Variants in PTPRN2 observed in about 807,000 individuals in gnomAD.
PTPRN2 encodes the protein protein tyrosine phosphatase receptor type N2.
A neutral mutation model predicts 118.8 loss-of-function variants in PTPRN2; 74 were observed. That is an observed-to-expected ratio of 0.62 (90% CI 0.52 to 0.76). The LOEUF (loss-of-function observed/expected upper bound fraction) is 0.76. Among genes scored for constraint, PTPRN2 ranks in the 30% least tolerant of loss-of-function variants. PTPRN2 has a pLI of 0.00. For synonymous variants in PTPRN2, 641 were observed against 608.0 expected, an observed-to-expected ratio of 1.05 and a Z score of -0.80; for missense variants, 1,481 against 1,394.4, an observed-to-expected ratio of 1.06 and a Z score of -0.99.
chr7:158,169,535 C>T (rs957237827), intron 5 of PTPRN2, among the ~76,000 whole-genome samples: 5 of 151,558 alleles, frequency 3.3e-5, no homozygotes, highest in African/African-American at 9.7e-5. Flanking sequence ...CCTGCCTCAG[C>T]CTCCCAAAGT....
intron 22 of PTPRN2, among the ~76,000 whole-genome samples, chr7:157,547,872 C>T (rs1356462592): frequency 2.0e-5 from 3 of 151,444 alleles, no homozygotes; most frequent in East Asian, 3.9e-4. Context: ...TGAAGCGTCC[C>T]GGACAGCAGA....
At position 158,401,046 on chromosome 7, in the gene PTPRN2, C is replaced by T. The variant is rs566190118; in HGVS notation, c.164-84114G>A. On this transcript the variant is annotated intron_variant, in intron 2 of 22. Coordinates refer to ENST00000389418, the MANE Select transcript of PTPRN2 (RefSeq NM_002847.5). ...GCCGCTCATCACCCAGGAACCGACA[C>T]GCACGAGATGCAGAATCTAAAAGAG... Among the ~76,000 whole-genome samples, 6 of 152,196 alleles carry T rather than the reference C, an allele frequency of 3.9e-5. No homozygotes were observed. The South Asian group carries it at 8.3e-4, about 21-fold the overall frequency.
At chr7:158,089,678 CT>C (rs1181667864) in intron 10 of PTPRN2, among the ~76,000 whole-genome samples, 1 of 144,226 alleles carries the variant, frequency 6.9e-6, no homozygotes, top group African/African-American at 2.8e-5. Flanking sequence ...CACAAACCTT[CT>C]TCCCCTGATG....
chr7:158,002,111 G>A (rs926050585), intron 11 of PTPRN2, among the ~76,000 whole-genome samples: 4 of 152,206 alleles, frequency 2.6e-5, no homozygotes, highest in East Asian at 3.9e-4. Flanking sequence ...GCCCCCCACC[G>A]AGGCGGGAGC....
chr7:157,930,762 C>T (rs758831018), intron 11 of PTPRN2, among the ~76,000 whole-genome samples: 20 of 152,192 alleles, frequency 1.3e-4, no homozygotes, highest in African/African-American at 4.1e-4. Context: ...TGGGAGTGGG[C>T]GTGCCACACT....
chr7:158,567,990 C>A (rs1462568658), intron 1 of PTPRN2, among the ~76,000 whole-genome samples: 7 of 152,202 alleles, frequency 4.6e-5, no homozygotes, highest in Admixed American at 4.6e-4. Flanking sequence ...CAGTGGCTCA[C>A]ATCTGTAATC....
chr7:158,382,712 G>A (rs147038900), intron 2 of PTPRN2, among the ~76,000 whole-genome samples: 119 of 152,268 alleles, frequency 7.8e-4, no homozygotes, highest in African/African-American at 2.6e-3. Context: ...CACTCTGTAC[G>A]AGAATCTAAT....
intron 2 of PTPRN2, among the ~76,000 whole-genome samples, chr7:158,324,078 C>G (rs927682507): frequency 6.6e-6 from 1 of 151,844 alleles, no homozygotes; most frequent in Admixed American, 6.6e-5. Context: ...CACACACACA[C>G]CCAGACACAC....
chr7:157,663,298 T>C (rs940024297), intron 13 of PTPRN2, among the ~76,000 whole-genome samples: 5 of 152,132 alleles, frequency 3.3e-5, no homozygotes, highest in African/African-American at 1.2e-4. Flanking sequence ...AGTTAAACCC[T>C]GGAGTCCCAG....
chr7:157,552,738 CGT>C (rs1798693598), intron 21 of PTPRN2, among the ~76,000 whole-genome samples: 1 of 152,218 alleles, frequency 6.6e-6, no homozygotes, highest in South Asian at 2.1e-4. Flanking sequence ...TGCCGACAGA[CGT>C]CGAGTTGTGT....
chr7:157,985,426 C>T (rs967639889), intron 11 of PTPRN2, among the ~76,000 whole-genome samples: 6 of 152,072 alleles, frequency 3.9e-5, no homozygotes, highest in Admixed American at 1.3e-4. Context: ...GGAAAACAGC[C>T]GTCAGACAGT....
rs549654328 is a variant in PTPRN2 at position 157,810,297 on chromosome 7, G to A, written c.1788+88376C>T. 4.8e-4 allele frequency among the ~76,000 whole-genome samples: 73 copies of A among 152,382 alleles called. No homozygotes were observed. The South Asian group carries it at 0.013, about 27-fold the overall frequency. On this transcript the variant is annotated intron_variant, in intron 12 of 22. Coordinates refer to ENST00000389418, the MANE Select transcript of PTPRN2 (RefSeq NM_002847.5). ...GTGATCCCAAAGCAGCGATCTAGAC[G>A]TGTGGGGTCCACAGGCGGGCGCCCT...
Position 158,071,125 on chromosome 7 carries a change from G to A in PTPRN2, c.1723+10173C>T, listed in dbSNP as rs1255843063. 6.2e-3 allele frequency among the ~76,000 whole-genome samples: 414 copies of A among 66,680 alleles called. 1 individual carries two copies. Among genetic ancestry groups the A allele is most frequent in the East Asian group, 0.02 (36 of 1,824 alleles). 43.7% of individuals were successfully genotyped at this position (66,680 alleles called of 152,430 possible). Reference sequence around the variant, plus strand: ...TGCTCGTGGTGGTGGAGGTGCCCGTGGTGGTGGAGGTGCTCGTGGTGGTGG... The same window carrying A: ...TGCTCGTGGTGGTGGAGGTGCCCGTAGTGGTGGAGGTGCTCGTGGTGGTGG... On this transcript the variant is annotated intron_variant, in intron 11 of 22. Coordinates refer to ENST00000389418, the MANE Select transcript of PTPRN2 (RefSeq NM_002847.5).
intron 12 of PTPRN2, among the ~76,000 whole-genome samples, chr7:157,744,524 A>T (rs1800810263): frequency 2.6e-5 from 4 of 152,252 alleles, no homozygotes; most frequent in African/African-American, 9.6e-5. Context: ...ATATTAAAAA[A>T]TTTAAAATAA....
At chr7:157,602,622 G>A (rs958110359) in intron 16 of PTPRN2, among the ~76,000 whole-genome samples, 9 of 144,782 alleles carry the variant, frequency 6.2e-5, no homozygotes, top group South Asian at 2.2e-4. Context: ...AGAGCTGAGC[G>A]CCATCTGCCA....
At chr7:158,467,936 C>T (rs954419767) in intron 2 of PTPRN2, among the ~76,000 whole-genome samples, 1 of 152,124 alleles carries the variant, frequency 6.6e-6, no homozygotes, top group East Asian at 1.9e-4. Context: ...TTGCTTTCAC[C>T]GCCACCCATT....
intron 2 of PTPRN2, among the ~76,000 whole-genome samples, chr7:158,331,280 G>T (rs374209941): frequency 7.4e-6 from 1 of 134,988 alleles, no homozygotes; most frequent in Non-Finnish European, 1.6e-5. Context: ...GCTGACACCC[G>T]CAGACGTCAC....
At chr7:157,679,989 T>C (rs1004653958) in intron 13 of PTPRN2, among the ~76,000 whole-genome samples, 8 of 152,204 alleles carry the variant, frequency 5.3e-5, no homozygotes, top group Non-Finnish European at 8.8e-5. Context: ...ACACCTCTGC[T>C]CCTGACCTTC....
chr7:158,131,499 C>G (rs1050520945), intron 9 of PTPRN2, among the ~76,000 whole-genome samples: 15 of 151,236 alleles, frequency 9.9e-5, no homozygotes, highest in Non-Finnish European at 1.8e-4. Context: ...TACACACAAA[C>G]CAATACACAT....
Sources: gnomAD v4.1 joint callset for allele counts (sites outside exome capture counted in the v4.1 genomes callset) on GRCh38, gnomAD v4.1.1 for gene constraint, MANE v1.5 for transcripts, NCBI Gene and HGNC (gene_info 2026-07-23, HGNC 2026-07-21) for gene names.